Variants in CLYBL observed in about 807,000 individuals in gnomAD.
CLYBL encodes the protein citramalyl-CoA lyase, mitochondrial.
A neutral mutation model predicts 38.9 loss-of-function variants in CLYBL; 31 were observed. The ratio of observed to expected loss-of-function variants is 0.80; its 90% confidence interval spans 0.60 to 1.08. CLYBL has a LOEUF of 1.08. Ranked by LOEUF, CLYBL falls within the 50% of genes least tolerant of loss-of-function variation. CLYBL has a pLI of 0.00. For synonymous variants in CLYBL, 171 were observed against 158.6 expected, an observed-to-expected ratio of 1.08 and a Z score of -0.59; for missense variants, 434 against 411.6, an observed-to-expected ratio of 1.05 and a Z score of -0.47.
intron 1 of CLYBL, among the ~76,000 whole-genome samples, chr13:99,760,017 C>T (rs781745365): frequency 3.0e-4 from 46 of 152,292 alleles, no homozygotes; most frequent in African/African-American, 9.1e-4. Context: ...TAGTCAGACT[C>T]GCTATTTATC....
At chr13:99,649,527 G>C (rs1311799068) in intron 1 of CLYBL, among the ~76,000 whole-genome samples, 1 of 152,136 alleles carries the variant, frequency 6.6e-6, no homozygotes, top group Non-Finnish European at 1.5e-5. Flanking sequence ...TAAGTTGAAG[G>C]GTGGGGAAAA....
At chr13:99,857,690 C>G (rs1375415665) in intron 2 of CLYBL, among the ~76,000 whole-genome samples, 2 of 152,204 alleles carry the variant, frequency 1.3e-5, no homozygotes, top group Non-Finnish European at 2.9e-5. Flanking sequence ...AATCTGCTGT[C>G]CTGGGTTGTC....
chr13:99,746,812 A>C (rs1447671156), intron 1 of CLYBL, among the ~76,000 whole-genome samples: 1 of 152,170 alleles, frequency 6.6e-6, no homozygotes, highest in African/African-American at 2.4e-5. Context: ...CCATCTATCA[A>C]ATCTCTTTGG....
intron 2 of CLYBL, among the ~76,000 whole-genome samples, chr13:99,820,895 T>G (rs2050575522): frequency 6.6e-6 from 1 of 152,206 alleles, no homozygotes; most frequent in Non-Finnish European, 1.5e-5. Flanking sequence ...CTTAGCATGT[T>G]GTTTCATTGT....
intron 8 of CLYBL, among the ~76,000 whole-genome samples, chr13:99,904,071 C>A (rs61134003): frequency 0.14 from 21,601 of 151,402 alleles, 1,770 homozygotes; most frequent in African/African-American, 0.21. Flanking sequence ...AACAAAAAAA[C>A]CCCACACCTT....
At chr13:99,829,153 G>C (rs1237022211) in intron 2 of CLYBL, among the ~76,000 whole-genome samples, 1 of 152,216 alleles carries the variant, frequency 6.6e-6, no homozygotes, top group Admixed American at 6.5e-5. Flanking sequence ...TGTTGAACCT[G>C]TCACAGGACA....
Position 99,858,861 on chromosome 13 carries a change from A to C in CLYBL, c.250A>C (p.Asn84His). Residue 84 changes from asparagine (N) to histidine (H), a missense_variant and splice_region_variant, in exon 3 of 9, where the codon AAT (asparagine) becomes CAT (histidine). Transcript: ENST00000339105. Reference sequence around the variant, plus strand: ...ATAAACTTTTTATTGACACTTACAGAATGAAGCTCGACTGAGAATTGTAAA... The same window carrying C: ...ATAAACTTTTTATTGACACTTACAGCATGAAGCTCGACTGAGAATTGTAAA... ...CEDGVAANKK[N>H]EARLRIVKTL... The C allele has an allele frequency of 6.3e-7, 1 of 1,595,636 alleles. No individual in the cohort carries two copies. Among genetic ancestry groups the C allele is most frequent in the Non-Finnish European group, 8.5e-7 (1 of 1,172,794 alleles).
At chr13:99,891,605 C>T (rs2052491808) in intron 8 of CLYBL, 168 bp downstream of exon 8, 1 of 527,302 alleles carries the variant, frequency 1.9e-6, no homozygotes, top group Non-Finnish European at 3.4e-6. Context: ...GAACGCTTTT[C>T]CCTTTGGATC....
intron 1 of CLYBL, among the ~76,000 whole-genome samples, chr13:99,721,763 T>C (rs1042556233): frequency 2.6e-5 from 4 of 152,126 alleles, no homozygotes; most frequent in African/African-American, 7.2e-5. Flanking sequence ...CAGGTACCCA[T>C]TGGCCCGCAT....
Position 99,678,905 on chromosome 13 carries a change from T to C in CLYBL, c.62+72148T>C, listed in dbSNP as rs560938377. On this transcript the variant is annotated intron_variant, in intron 1 of 8. Transcript: ENST00000339105. ...CATTTATTCACTGACTAGATATTTA[T>C]TGAGGACCTAGTATGTGCTGGACAC... 7.2e-5 allele frequency among the ~76,000 whole-genome samples: 11 copies of C among 152,336 alleles called. No individual in the cohort carries two copies. The East Asian group carries it at 1.9e-3, about 27-fold the overall frequency.
At chr13:99,661,946 G>A (rs1249903799) in intron 1 of CLYBL, among the ~76,000 whole-genome samples, 1 of 152,150 alleles carries the variant, frequency 6.6e-6, no homozygotes, top group African/African-American at 2.4e-5. Context: ...TTTGTTTCAG[G>A]CCCAATCAGC....
intron 7 of CLYBL, among the ~76,000 whole-genome samples, chr13:99,885,983 G>A (rs994472522): frequency 4.6e-5 from 7 of 152,170 alleles, no homozygotes; most frequent in Non-Finnish European, 7.4e-5. Context: ...CTGGCTGGAA[G>A]TTTAGGAATT....
chr13:99,812,830 A>C (rs77876052), intron 2 of CLYBL, among the ~76,000 whole-genome samples: 3,654 of 152,306 alleles, frequency 0.024, 127 homozygotes, highest in African/African-American at 0.069. Flanking sequence ...GGATGGTAGC[A>C]GCCCTGGAGA....
At chr13:99,618,277 C>CT (rs112680553) in intron 1 of CLYBL, among the ~76,000 whole-genome samples, 6,256 of 146,466 alleles carry the variant, frequency 0.043, 402 homozygotes, top group African/African-American at 0.14. Context: ...ATCATTTTAA[C>CT]TTTTTTTTTT....
At chr13:99,832,072 A>G (rs759709958) in intron 2 of CLYBL, among the ~76,000 whole-genome samples, 13 of 152,256 alleles carry the variant, frequency 8.5e-5, no homozygotes, top group Non-Finnish European at 1.6e-4. Flanking sequence ...CTTCCAGTCG[A>G]GGATGAATAG....
chr13:99,900,820 C>T (rs1405829896), downstream of CLYBL, among the ~76,000 whole-genome samples: 2 of 152,220 alleles, frequency 1.3e-5, no homozygotes, highest in African/African-American at 4.8e-5. Context: ...TTTTCAGCAA[C>T]TGCCTCCCTC....
chr13:99,763,337 T>C (rs1566316762), intron 1 of CLYBL, among the ~76,000 whole-genome samples: 1 of 152,182 alleles, frequency 6.6e-6, no homozygotes. Flanking sequence ...TTGAGGTATG[T>C]TCTTCTTATA....
chr13:99,896,436 G>GCGCC (rs1464653169), downstream of CLYBL: 1 of 152,024 alleles, frequency 6.6e-6, no homozygotes, highest in African/African-American at 2.4e-5. Context: ...CAGGGCCCTT[G>GCGCC]CGCCCGCCCT....
At chr13:99,695,219 C>T in intron 1 of CLYBL, among the ~76,000 whole-genome samples, 1 of 152,198 alleles carries the variant, frequency 6.6e-6, no homozygotes, top group Middle Eastern at 3.2e-3. Flanking sequence ...GGGTCCCTTT[C>T]TGCTGGGGGA....
Sources: allele counts gnomAD v4.1 joint callset (sites outside exome capture counted in the v4.1 genomes callset), GRCh38; gene constraint gnomAD v4.1.1; transcripts MANE v1.5; gene names NCBI Gene and HGNC (gene_info 2026-07-23, HGNC 2026-07-21).